Variants in DLG3 observed in about 807,000 individuals in gnomAD.
DLG3 encodes the protein disks large homolog 3.
Under a neutral mutation model 64.1 loss-of-function variants are expected in DLG3, and 1 was observed. The ratio of observed to expected loss-of-function variants is 0.02; its 90% CI spans 0.01 to 0.07. The LOEUF is 0.07. DLG3 is among the 10% of genes least tolerant of loss of function. The pLI is 1.00. For synonymous variants in DLG3, 245 were observed against 259.8 expected (o/e 0.94, Z 0.55); for missense variants, 429 against 669.5 (o/e 0.64, Z 3.96).
At chrX:70,465,022 G>A (rs761951179) in intron 9 of DLG3, among the ~76,000 whole-genome samples, 1 of 112,286 alleles carries the variant, frequency 8.9e-6, no homozygotes, top group Non-Finnish European at 1.9e-5. Flanking sequence ...GTATAAATAT[G>A]TACATTAGGG....
intron 10 of DLG3, among the ~76,000 whole-genome samples, chrX:70,484,622 T>C (rs1427779801): frequency 8.9e-6 from 1 of 111,942 alleles, no homozygotes; most frequent in East Asian, 2.8e-4. Context: ...GCTTCCTGCA[T>C]CAGTGATTTC....
At chrX:70,486,852 T>C (rs1177913191) in intron 10 of DLG3, among the ~76,000 whole-genome samples, 1 of 110,409 alleles carries the variant, frequency 9.1e-6, no homozygotes, top group Non-Finnish European at 1.9e-5. Context: ...TATATCAGTG[T>C]TGTGGAAAAA....
rs1276124512 is a variant in DLG3 at position 70,479,256 on chromosome X, G to A, written c.1512G>A (p.Leu504=). 8.3e-7 allele frequency: 1 copy of A among 1,197,638 alleles called. No homozygotes were observed. The highest frequency in any genetic ancestry group is 3.0e-5 in the East Asian group (1 of 33,733). ...TCCGAACAAGTGAAAAGAGGTCCTT[G>A]TATGTCAGGTAAGTTGCCCTTCAGA... The part of the protein sequence containing the change: ...GSLRTSEKRS[L]YVRALFDYDR... Residue 504 remains leucine (L), a synonymous_variant, in exon 10 of 19, where the codon TTG becomes TTA. Transcript: ENST00000374360.
At chrX:70,500,388 G>A in intron 16 of DLG3, 83 bp from the exon 17 acceptor site, 2 of 847,435 alleles carry the variant, frequency 2.4e-6, no homozygotes, top group Middle Eastern at 2.8e-4. Context: ...CGGCCAAGGT[G>A]GATGTTTAGA....
At chrX:70,454,928 C>T (rs1602883621) in intron 9 of DLG3, among the ~76,000 whole-genome samples, 1 of 113,093 alleles carries the variant, frequency 8.8e-6, no homozygotes, top group East Asian at 2.8e-4. Context: ...CAAATAAAGG[C>T]GTTTGATTGG....
Position 70,450,056 on chromosome X carries a change from G to C in DLG3, c.704-113G>C, listed in dbSNP as rs753516715. 18 of 1,057,941 alleles carry C rather than the reference G, an allele frequency of 1.7e-5. No individual in the cohort carries two copies. The East Asian group carries it at 5.1e-4, about 30-fold the overall frequency. 87.2% of individuals were successfully genotyped at this position (1,057,941 alleles called of 1,213,427 possible). On this transcript the variant is annotated intron_variant, in intron 4 of 18. Coordinates refer to ENST00000374360, the MANE Select transcript of DLG3 (RefSeq NM_021120.4). ...AGCTTAGCGTTTGGATCCCCCGGGG[G>C]GAGCTCCTGTGGGGCCAGTGGGTTG...
rs778593472 is a variant in DLG3 at position 70,499,332 on chromosome X, C to T, written c.1972+55C>T. 10 of 918,423 alleles carry T rather than the reference C, an allele frequency of 1.1e-5. No homozygotes were observed. The African/African-American group carries it at 1.7e-4, about 16-fold the overall frequency. The allele number at this position is 918,423 out of a possible 1,213,427, so 75.7% of individuals were successfully genotyped here. ...AGGCTTGGTGCCCTGGGAATTGTTGCTCTAATGTTTTATGGAAAAGGTCTG... is the reference window on the plus strand; with the variant it reads ...AGGCTTGGTGCCCTGGGAATTGTTGTTCTAATGTTTTATGGAAAAGGTCTG... On this transcript the variant is annotated intron_variant, in intron 15 of 18. Transcript: ENST00000374360.
Position 70,482,660 on chromosome X carries a change from G to GTTTTTTTTTTTTTT in DLG3, c.1520+3397_1520+3398insTTTTTTTTTTTTTT, listed in dbSNP as rs200729766. ...TCAGGTTTGGGAAAATACATGTGTG[G>GTTTTTTTTTTTTTT]TGTTTTTTTTTTTTTTTTTTTTTTT... On this transcript the variant is annotated intron_variant, in intron 10 of 18. Coordinates refer to ENST00000374360, the MANE Select transcript of DLG3 (RefSeq NM_021120.4). Among the ~76,000 whole-genome samples the GTTTTTTTTTTTTTT allele has an allele frequency of 1.0e-4, 7 of 69,250 alleles. 1 individual carries two copies. The highest frequency in any genetic ancestry group is 1.2e-4 in the African/African-American group (2 of 16,123). 60.1% of individuals were successfully genotyped at this position (69,250 alleles called of 115,157 possible). A position where few individuals can be genotyped will look rare whatever the true frequency, so the allele number is the denominator to read the frequency against.
intron 9 of DLG3, among the ~76,000 whole-genome samples, chrX:70,463,437 G>A (rs1478669217): frequency 9.0e-6 from 1 of 111,625 alleles, no homozygotes. Context: ...TTGAGCCACT[G>A]TGCCAAGCCT....
intron 6 of DLG3, 25 bp from the exon 7 acceptor site, chrX:70,451,842 T>C: frequency 8.3e-7 from 1 of 1,210,270 alleles, no homozygotes; most frequent in Non-Finnish European, 1.1e-6. Context: ...GTCTCTGAAC[T>C]TTTCTCTCCC....
At chrX:70,449,528 C>T (rs369293532) in intron 3 of DLG3, 45 bp downstream of exon 3, 43 of 1,147,788 alleles carry the variant, frequency 3.7e-5, no homozygotes, top group African/African-American at 3.3e-4. Flanking sequence ...GGGACAGGAT[C>T]GAGATGAGGG....
intron 1 of DLG3, chrX:70,448,518 C>A (rs930109277): frequency 4.3e-5 from 44 of 1,024,925 alleles, no homozygotes; most frequent in Non-Finnish European, 5.8e-5. Context: ...CTGGGTATCC[C>A]CTATGGACAC....
intron 13 of DLG3, 49 bp downstream of exon 13, chrX:70,495,502 A>G (rs763751096): frequency 1.8e-6 from 2 of 1,133,595 alleles, no homozygotes; most frequent in African/African-American, 1.8e-5. Context: ...ATGAATGGAG[A>G]TAGTGGGGGT....
In DLG3 at chrX:70,449,837, C is replaced by T; in HGVS notation, c.681C>T (p.Val227=). ...CTCCACCCGAGACCATCATGGAGGT[C>T]AACCTGCTCAAAGGGCCCAAAGGTG... The part of the protein sequence containing the change: ...RQPPPETIME[V]NLLKGPKGLG... Residue 227 remains valine, a synonymous_variant, in exon 4 of 19, where the codon GTC becomes GTT. Transcript: ENST00000374360. 8.4e-7 allele frequency: 1 copy of T among 1,188,502 alleles called. No homozygotes were observed.
intron 1 of DLG3, 21 bp downstream of exon 1, chrX:70,445,579 G>C (rs764032393): frequency 2.9e-5 from 34 of 1,160,504 alleles, no homozygotes; most frequent in Non-Finnish European, 3.2e-5. Flanking sequence ...GCGGAGGGGG[G>C]AGCGGTGGGG....
Position 70,445,172 on chromosome X carries a change from T to TG in DLG3, c.-24dup. On this transcript the variant is annotated 5_prime_UTR_variant, in exon 1 of 19. Coordinates refer to ENST00000374360, the MANE Select transcript of DLG3 (RefSeq NM_021120.4). The stretch of plus-strand genomic sequence containing the variant: ...CGGCGGCGTGGAATCCGGCGTGGGC[T>TG]GGGGGGTCCGAGCCGCGGGGGGCAG... 1 of 1,107,606 alleles carries TG rather than the reference T, an allele frequency of 9.0e-7. No individual in the cohort carries two copies. Among genetic ancestry groups the TG allele is most frequent in the Admixed American group, 2.6e-5 (1 of 38,526 alleles). 91.3% of individuals were successfully genotyped at this position (1,107,606 alleles called of 1,213,427 possible).
At chrX:70,459,259 A>G (rs1602897931) in intron 9 of DLG3, among the ~76,000 whole-genome samples, 1 of 112,456 alleles carries the variant, frequency 8.9e-6, no homozygotes, top group Admixed American at 9.5e-5. Context: ...AGAGAGAATG[A>G]GAGTATTTCT....
In DLG3 at chrX:70,452,001, A is replaced by G; in HGVS notation, c.1120A>G (p.Met374Val). 1 of 1,210,972 alleles carries G rather than the reference A, an allele frequency of 8.3e-7. No individual in the cohort carries two copies. Among genetic ancestry groups the G allele is most frequent in the Non-Finnish European group, 1.1e-6 (1 of 895,237 alleles). ...PTRYSPIPRH[M>V]LAEEDFTREP... is the part of the protein sequence containing the mutation. Reference sequence around the variant, plus strand: ...CCGCTACTCTCCTATTCCCAGGCACATGCTGGCTGAGGAGGACTTCACCAG... The same window carrying G: ...CCGCTACTCTCCTATTCCCAGGCACGTGCTGGCTGAGGAGGACTTCACCAG... Residue 374 changes from methionine (M) to valine (V), a missense_variant, in exon 7 of 19, where the codon ATG becomes GTG. Physicochemically the swap from Met to Val is conservative, Grantham distance 21. Around this residue, in one of 9 missense-constraint regions of DLG3, gnomAD observed 54 missense variants for 54.4 expected, o/e 0.99. Coordinates refer to ENST00000374360, the MANE Select transcript of DLG3 (RefSeq NM_021120.4).
intron 9 of DLG3, among the ~76,000 whole-genome samples, chrX:70,461,074 A>G (rs1251062341): frequency 1.8e-5 from 2 of 112,123 alleles, no homozygotes; most frequent in African/African-American, 6.5e-5. Flanking sequence ...TCTCTTGAGT[A>G]TACATACCTG....
Sources: allele counts gnomAD v4.1 joint callset (sites outside exome capture counted in the v4.1 genomes callset), GRCh38; gene constraint gnomAD v4.1.1; regional missense constraint gnomAD v4.1.1; transcripts MANE v1.5; gene names NCBI Gene and HGNC (gene_info 2026-07-23, HGNC 2026-07-21).